Variants in ZNF853 observed in about 807,000 individuals in gnomAD.
The protein encoded by ZNF853 is zinc finger protein 853.
In ZNF853, 57 loss-of-function variants were observed where a neutral mutation model predicts 94.7. That is an observed-to-expected ratio of 0.60 (90% CI 0.49 to 0.75). The LOEUF (loss-of-function observed/expected upper bound fraction) is 0.75, where lower values mean the gene tolerates loss of function less well. Ranked by LOEUF, ZNF853 falls within the 30% of genes least tolerant of loss-of-function variation. The pLI, the probability that ZNF853 is intolerant of heterozygous loss-of-function variation, is 0.00. For missense variants in ZNF853, 785 were observed against 868.9 expected, an observed-to-expected ratio of 0.90 and a Z score of 1.21; for synonymous variants, 448 against 406.3, an observed-to-expected ratio of 1.10 and a Z score of -1.23.
Position 6,622,339 on chromosome 7 carries a change from C to G in ZNF853, c.1348C>G (p.Pro450Ala). ...GGTGGTGCAGGAGCTCATGGTGCTG[C>G]CCGCCGTGGCAGCGCCGGCCGTGGT... ...YVVVQELMVL[P>A]AVAAPAVVAI... Residue 450 changes from proline to alanine, a missense_variant, in exon 3 of 3, where the codon CCC becomes GCC. Coordinates refer to ENST00000457543, the MANE Select transcript of ZNF853 (RefSeq NM_017560.3). 6.8e-7 allele frequency: 1 copy of G among 1,470,088 alleles called. No homozygotes were observed. The highest frequency in any genetic ancestry group is 1.5e-5 in the African/African-American group (1 of 67,338). 91.1% of individuals were successfully genotyped at this position (1,470,088 alleles called of 1,614,324 possible).
At position 6,622,168 on chromosome 7, in the gene ZNF853, C is replaced by G. The variant is rs558059062; in HGVS notation, c.1177C>G (p.Leu393Val). Reference protein sequence around the residue: ...EVQLELTPVELGAQQQEVQLE... With the variant: ...EVQLELTPVEVGAQQQEVQLE... ...GCAGCTGGAGCTGACCCCGGTGGAG[C>G]TAGGCGCCCAGCAGCAGGAGGTGCA... Residue 393 changes from leucine (L) to valine (V), a missense_variant, in exon 3 of 3, where the codon CTA (leucine) becomes GTA (valine). Leu to Val is a conservative substitution (Grantham distance 32, BLOSUM62 1). Coordinates refer to ENST00000457543, the MANE Select transcript of ZNF853 (RefSeq NM_017560.3). The G allele has an allele frequency of 1.6e-4, 249 of 1,541,362 alleles. No individual in the cohort carries two copies. The highest frequency in any genetic ancestry group is 3.5e-4 in the Admixed American group (18 of 50,976).
At position 6,623,551 on chromosome 7, in the gene ZNF853, C is replaced by T; in HGVS notation, c.*580C>T. 2.6e-6 allele frequency: 1 copy of T among 389,594 alleles called. No homozygotes were observed. The highest frequency in any genetic ancestry group is 4.5e-5 in the Admixed American group (1 of 22,434). The allele number at this position is 389,594 out of a possible 1,614,324, so 24.1% of individuals were successfully genotyped here. A position where few individuals can be genotyped will look rare whatever the true frequency, so the allele number is the denominator to read the frequency against. On this transcript the variant is annotated 3_prime_UTR_variant, in exon 3 of 3. Coordinates refer to ENST00000457543, the MANE Select transcript of ZNF853 (RefSeq NM_017560.3). ...GTGGGTATAATTCTGATGAAAACGC[C>T]TGTGTTCATCAACACAGGGTCAGAG...
chr7:6,622,472 T>C lies in ZNF853; in HGVS notation c.1481T>C (p.Phe494Ser), dbSNP rs2115291050. 1 of 1,531,388 alleles carries C rather than the reference T, an allele frequency of 6.5e-7. No homozygotes were observed. Among genetic ancestry groups the C allele is most frequent in the Non-Finnish European group, 8.8e-7 (1 of 1,140,856 alleles). 94.9% of individuals were successfully genotyped at this position (1,531,388 alleles called of 1,614,324 possible). The change falls in exon 3 of 3, where the codon TTC becomes TCC. Residue 494 changes from phenylalanine to serine, a missense_variant. Transcript: ENST00000457543. ...PTICGECGKG[F>S]SRSTDLVRHQ... ...ATCTGCGGGGAGTGCGGCAAGGGCT[T>C]CAGCCGCAGCACGGACCTGGTGCGC...
In ZNF853 at chr7:6,622,144, C is replaced by T; in HGVS notation, c.1153C>T (p.Gln385Ter). Reference sequence around the variant, plus strand: ...GCAGCAGCTGGAGCAGCAGGAGGTGCAGCTGGAGCTGACCCCGGTGGAGCT... The same window carrying T: ...GCAGCAGCTGGAGCAGCAGGAGGTGTAGCTGGAGCTGACCCCGGTGGAGCT... ...QQQQLEQQEV[Q>*]LELTPVELGA... The change falls in exon 3 of 3, where the codon CAG (glutamine) becomes TAG (stop). Residue 385 changes from glutamine (Q) to a stop codon, truncating the protein, a stop_gained. Transcript: ENST00000457543. LOFTEE classifies it high-confidence loss of function. 1 of 1,544,152 alleles carries T rather than the reference C, an allele frequency of 6.5e-7. No individual in the cohort carries two copies. The highest frequency in any genetic ancestry group is 8.7e-7 in the Non-Finnish European group (1 of 1,146,626).
chr7:6,615,688 G>GGCGCCCGCCCC lies in ZNF853; in HGVS notation c.-484_-474dup. The GGCGCCCGCCCC allele has an allele frequency of 6.9e-6, 1 of 144,558 alleles. No individual in the cohort carries two copies. The highest frequency in any genetic ancestry group is 6.8e-5 in the Admixed American group (1 of 14,638). The allele number at this position is 144,558 out of a possible 1,614,324, so 9.0% of individuals were successfully genotyped here. A position where few individuals can be genotyped will look rare whatever the true frequency, so the allele number is the denominator to read the frequency against. ...GCCCAGGGGGACCCGGCCTTGCCGCGGCGCCCGCCCCGCCCCCGCCCCGGC... is the reference window on the plus strand; with the variant it reads ...GCCCAGGGGGACCCGGCCTTGCCGCGGCGCCCGCCCCGCGCCCGCCCCGCCCCCGCCCCGGC... On this transcript the variant is annotated 5_prime_UTR_variant, in exon 1 of 3. Coordinates refer to ENST00000457543, the MANE Select transcript of ZNF853 (RefSeq NM_017560.3). This position sits in a 1 kb window ranked among gnomAD's most constrained non-coding sequence, Gnocchi z 8.5.
Position 6,622,911 on chromosome 7 carries a change from T to C in ZNF853, c.1920T>C (p.Gly640=). 1 of 1,249,016 alleles carries C rather than the reference T, an allele frequency of 8.0e-7. No individual in the cohort carries two copies. Among genetic ancestry groups the C allele is most frequent in the South Asian group, 3.0e-5 (1 of 33,008 alleles). 77.4% of individuals were successfully genotyped at this position (1,249,016 alleles called of 1,614,324 possible). Residue 640 remains glycine, a synonymous_variant, in exon 3 of 3, where the codon GGT becomes GGC. Coordinates refer to ENST00000457543, the MANE Select transcript of ZNF853 (RefSeq NM_017560.3). ...GCGCCTCGCGGCCGGCGGCCCTCGGTGGCCCAGCCCGCGCGGAGCAGGCCG... is the reference window on the plus strand; with the variant it reads ...GCGCCTCGCGGCCGGCGGCCCTCGGCGGCCCAGCCCGCGCGGAGCAGGCCG... ...LLRASRPAAL[G]GPARAEQAAT...
chr7:6,618,003 A>C, intron 2 of ZNF853, among the ~76,000 whole-genome samples: 1 of 152,154 alleles, frequency 6.6e-6, no homozygotes, highest in Non-Finnish European at 1.5e-5. Context: ...GTGTGGAGTC[A>C]AGAAGGACCG....
At chr7:6,616,914 T>A in intron 1 of ZNF853, among the ~76,000 whole-genome samples, 1 of 151,972 alleles carries the variant, frequency 6.6e-6, no homozygotes, top group Non-Finnish European at 1.5e-5. Flanking sequence ...GCTACCCCAC[T>A]CTCCATCCCG....
chr7:6,617,775 C>A, intron 2 of ZNF853: 3 of 364,836 alleles, frequency 8.2e-6, no homozygotes, highest in Non-Finnish European at 1.1e-5. Flanking sequence ...CTGCTTGCAT[C>A]TGTTTTTCTC....
At chr7:6,616,302 C>A in intron 1 of ZNF853, 116 bp downstream of exon 1, 1 of 990,222 alleles carries the variant, frequency 1.0e-6, no homozygotes, top group Non-Finnish European at 1.5e-6. Flanking sequence ...CTGCACGGGC[C>A]AGGGTGGACT....
chr7:6,619,435 C>T, intron 2 of ZNF853, among the ~76,000 whole-genome samples: 24 of 152,210 alleles, frequency 1.6e-4, no homozygotes, highest in African/African-American at 5.8e-4. Flanking sequence ...CCACGCCCGA[C>T]TAATTTTTTG....
Position 6,622,001 on chromosome 7 carries a change from A to G in ZNF853, c.1010A>G (p.Gln337Arg). The G allele has an allele frequency of 1.3e-6, 2 of 1,550,286 alleles. No individual in the cohort carries two copies. Among genetic ancestry groups the G allele is most frequent in the Middle Eastern group, 2.0e-4 (1 of 4,946 alleles). ...VDLGSEQELE[Q>R]QRQELERQQE... ...CTGGGGTCAGAGCAGGAGCTGGAGC[A>G]GCAGCGGCAGGAGTTGGAGCGGCAG... is the stretch of plus-strand genomic sequence containing the variant. The change falls in exon 3 of 3, where the codon CAG (glutamine) becomes CGG (arginine). Residue 337 changes from glutamine (Q) to arginine (R), a missense_variant. Physicochemically the swap from Gln to Arg is conservative, Grantham distance 43. Coordinates refer to ENST00000457543, the MANE Select transcript of ZNF853 (RefSeq NM_017560.3).
In ZNF853 at chr7:6,623,263, G is replaced by C. The variant is rs1169704936; in HGVS notation, c.*292G>C. The C allele has an allele frequency of 2.5e-6, 1 of 398,912 alleles. No individual in the cohort carries two copies. The highest frequency in any genetic ancestry group is 4.4e-6 in the Non-Finnish European group (1 of 226,542). The allele number at this position is 398,912 out of a possible 1,614,324, so 24.7% of individuals were successfully genotyped here. On this transcript the variant is annotated 3_prime_UTR_variant, in exon 3 of 3. Transcript: ENST00000457543. Reference sequence around the variant, plus strand: ...GGGTCTGCCAAAGGTTTTCCCTCCGGGAAAACTGGACTTACTACGAACGAG... The same window carrying C: ...GGGTCTGCCAAAGGTTTTCCCTCCGCGAAAACTGGACTTACTACGAACGAG...
Position 6,621,593 on chromosome 7 carries a change from A to T in ZNF853, c.602A>T (p.Gln201Leu). ...QEQLQQQVQE[Q>L]QLLQQQQEQL... ...CAGCTACAGCAGCAAGTGCAAGAGC[A>T]ACAGCTGTTACAGCAACAGCAGGAA... Residue 201 changes from glutamine (Q) to leucine (L), a missense_variant, in exon 3 of 3, where the codon CAA becomes CTA. Gln to Leu is a moderately radical substitution (Grantham distance 113, BLOSUM62 -2). Coordinates refer to ENST00000457543, the MANE Select transcript of ZNF853 (RefSeq NM_017560.3). 1 of 1,551,480 alleles carries T rather than the reference A, an allele frequency of 6.4e-7. No homozygotes were observed. The highest frequency in any genetic ancestry group is 8.7e-7 in the Non-Finnish European group (1 of 1,146,746).
intron 2 of ZNF853, chr7:6,617,758 T>C: frequency 1.1e-4 from 54 of 507,810 alleles, no homozygotes; most frequent in Non-Finnish European, 1.2e-4. Flanking sequence ...CCACTTTAGC[T>C]TGACCTCTGC....
Position 6,622,126 on chromosome 7 carries a change from C to G in ZNF853, c.1135C>G (p.Leu379Val). The change falls in exon 3 of 3, where the codon CTG (leucine) becomes GTG (valine). Residue 379 changes from leucine to valine, a missense_variant. Leu to Val is a conservative substitution (Grantham distance 32). Coordinates refer to ENST00000457543, the MANE Select transcript of ZNF853 (RefSeq NM_017560.3). Reference sequence around the variant, plus strand: ...ACAGCTGGAGCAGCAGCAGCAGCAGCTGGAGCAGCAGGAGGTGCAGCTGGA... The same window carrying G: ...ACAGCTGGAGCAGCAGCAGCAGCAGGTGGAGCAGCAGGAGGTGCAGCTGGA... Reference protein sequence around the residue: ...EQQLEQQQQQLEQQEVQLELT... With the variant: ...EQQLEQQQQQVEQQEVQLELT... 1 of 1,545,602 alleles carries G rather than the reference C, an allele frequency of 6.5e-7. No individual in the cohort carries two copies. The highest frequency in any genetic ancestry group is 1.4e-5 in the African/African-American group (1 of 73,112).
chr7:6,621,656 AG>A lies in ZNF853; in HGVS notation c.666del (p.Gln222HisfsTer167). ...CAGCAGCTGCTACAACAGCAGGAAC[AG>A]TTACAGCAGCAACAGTTTCAACAGC... ...QQQQLLQQQE[Q>X]LQQQQFQQQQ... On this transcript the variant is annotated frameshift_variant, in exon 3 of 3. Transcript: ENST00000457543. LOFTEE classifies it high-confidence loss of function. The A allele has an allele frequency of 6.5e-7, 1 of 1,550,002 alleles. No homozygotes were observed. Among genetic ancestry groups the A allele is most frequent in the Non-Finnish European group, 8.7e-7 (1 of 1,145,480 alleles).
Position 6,622,329 on chromosome 7 carries a change from C to T in ZNF853, c.1338C>T (p.Leu446=). 2 of 1,499,466 alleles carry T rather than the reference C, an allele frequency of 1.3e-6. No homozygotes were observed. The highest frequency in any genetic ancestry group is 1.8e-6 in the Non-Finnish European group (2 of 1,132,718). The allele number at this position is 1,499,466 out of a possible 1,614,324, so 92.9% of individuals were successfully genotyped here. ...APPGYVVVQE[L]MVLPAVAAPA... ...CGGGCTACGTGGTGGTGCAGGAGCT[C>T]ATGGTGCTGCCCGCCGTGGCAGCGC... is the stretch of plus-strand genomic sequence containing the variant. The change falls in exon 3 of 3, where the codon CTC becomes CTT. Residue 446 remains leucine, a synonymous_variant. Transcript: ENST00000457543.
intron 1 of ZNF853, among the ~76,000 whole-genome samples, chr7:6,616,469 G>T: frequency 1.3e-5 from 2 of 152,242 alleles, no homozygotes; most frequent in Non-Finnish European, 2.9e-5. Context: ...GCCAGGCGCA[G>T]TGGCTCACTC....
Sources: gnomAD v4.1 joint callset for allele counts (sites outside exome capture counted in the v4.1 genomes callset) on GRCh38, gnomAD v4.1.1 for gene constraint, Gnocchi (gnomAD v3.1) non-coding constraint, MANE v1.5 for transcripts, NCBI Gene and HGNC (gene_info 2026-07-23, HGNC 2026-07-21) for gene names.